ACYP2: variants seen among roughly 807,000 people sequenced by gnomAD.
ACYP2 encodes the protein acylphosphatase-2.
A neutral mutation model predicts 11.2 loss-of-function variants in ACYP2; 12 were observed. The observed-to-expected ratio is 1.08, with a 90% CI of 0.69 to 1.74. The LOEUF (loss-of-function observed/expected upper bound fraction) is 1.74, where lower values mean the gene tolerates loss of function less well. ACYP2 is among the 40% of genes most tolerant of loss of function. ACYP2 has a pLI of 0.00. For missense variants in ACYP2, 134 were observed against 101.9 expected (o/e 1.31, Z -1.35); for synonymous variants, 43 against 32.2 (o/e 1.33, Z -1.13).
At chr2:54,147,250 A>G (rs1396280353) in intron 6 of ACYP2, among the ~76,000 whole-genome samples, 3 of 151,552 alleles carry the variant, frequency 2.0e-5, no homozygotes, top group Non-Finnish European at 4.4e-5. Flanking sequence ...ATAAATCAAA[A>G]CAGCCAACAA....
At chr2:54,101,745 C>T (rs545583335) in intron 4 of ACYP2, among the ~76,000 whole-genome samples, 3 of 151,644 alleles carry the variant, frequency 2.0e-5, no homozygotes, top group Non-Finnish European at 2.9e-5. Context: ...TTTCTTTCCT[C>T]CCTTTCTCCT....
intron 2 of ACYP2, among the ~76,000 whole-genome samples, chr2:54,005,203 T>A (rs1273368832): frequency 1.3e-5 from 2 of 152,250 alleles, no homozygotes; most frequent in African/African-American, 2.4e-5. Context: ...GTATGTAATG[T>A]CTATATCTAG....
chr2:54,108,127 C>T (rs961087932), intron 4 of ACYP2, among the ~76,000 whole-genome samples: 5 of 152,230 alleles, frequency 3.3e-5, no homozygotes, highest in African/African-American at 1.2e-4. Context: ...CTAAACTCCT[C>T]CGCGACTGTG....
chr2:54,286,870 C>T (rs1421871422), intron 6 of ACYP2, among the ~76,000 whole-genome samples: 1 of 151,914 alleles, frequency 6.6e-6, no homozygotes, highest in Non-Finnish European at 1.5e-5. Flanking sequence ...GCTATAATAT[C>T]TAGAATTTTT....
chr2:54,153,179 C>G (rs945548358), intron 6 of ACYP2, among the ~76,000 whole-genome samples: 9 of 152,018 alleles, frequency 5.9e-5, no homozygotes, highest in Non-Finnish European at 1.0e-4. Flanking sequence ...AAATCTCACT[C>G]TTCTGCATGT....
chr2:54,054,719 G>A (rs1266441197), intron 3 of ACYP2, among the ~76,000 whole-genome samples: 1 of 152,192 alleles, frequency 6.6e-6, no homozygotes, highest in Non-Finnish European at 1.5e-5. Flanking sequence ...GCATTACCAA[G>A]GTGAGATGAT....
intron 6 of ACYP2, among the ~76,000 whole-genome samples, chr2:54,206,210 T>A (rs1685064972): frequency 6.6e-6 from 1 of 152,198 alleles, no homozygotes. Context: ...ACATTTGGAT[T>A]TTAAGTTTGG....
At chr2:54,301,622 T>C (rs960137043) in intron 6 of ACYP2, among the ~76,000 whole-genome samples, 2 of 152,154 alleles carry the variant, frequency 1.3e-5, no homozygotes, top group Non-Finnish European at 2.9e-5. Flanking sequence ...GCTCTGACAC[T>C]AAGGGTGAGT....
intron 2 of ACYP2, among the ~76,000 whole-genome samples, chr2:54,043,479 C>T (rs1347387374): frequency 6.6e-6 from 1 of 152,186 alleles, no homozygotes; most frequent in Non-Finnish European, 1.5e-5. Flanking sequence ...GCCTGACTTT[C>T]AAATGCCCTG....
intron 6 of ACYP2, among the ~76,000 whole-genome samples, chr2:54,154,082 G>C (rs1682325997): frequency 6.6e-6 from 1 of 151,512 alleles, no homozygotes; most frequent in Admixed American, 6.6e-5. Context: ...TTGTAAATGA[G>C]ACTGTTTTCT....
chr2:54,211,556 A>G (rs1207473358), intron 6 of ACYP2, among the ~76,000 whole-genome samples: 3 of 152,202 alleles, frequency 2.0e-5, no homozygotes, highest in Non-Finnish European at 4.4e-5. Flanking sequence ...TTTTATATCC[A>G]GTCCTGGCTA....
intron 4 of ACYP2, among the ~76,000 whole-genome samples, chr2:54,059,572 C>G (rs1379506869): frequency 6.6e-6 from 1 of 152,192 alleles, no homozygotes; most frequent in African/African-American, 2.4e-5. Flanking sequence ...CAGATGCTGA[C>G]TAATACTACA....
intron 6 of ACYP2, among the ~76,000 whole-genome samples, chr2:54,251,282 A>G (rs1314999930): frequency 1.3e-5 from 2 of 152,234 alleles, no homozygotes; most frequent in Non-Finnish European, 2.9e-5. Flanking sequence ...ATATCAATTC[A>G]TGGTTTACCC....
chr2:54,120,631 C>T (rs1680092499), intron 4 of ACYP2, among the ~76,000 whole-genome samples: 1 of 152,180 alleles, frequency 6.6e-6, no homozygotes, highest in Admixed American at 6.5e-5. Flanking sequence ...GGCACCTCTG[C>T]CCAGGCTTTG....
At chr2:54,300,042 C>T (rs1025852042) in intron 6 of ACYP2, among the ~76,000 whole-genome samples, 4 of 152,244 alleles carry the variant, frequency 2.6e-5, no homozygotes, top group African/African-American at 9.6e-5. Flanking sequence ...CTCCCTCACA[C>T]TGAGAAAATG....
chr2:54,102,559 G>T lies in ACYP2; in HGVS notation c.278-32894G>T, dbSNP rs562350643. Among the ~76,000 whole-genome samples the T allele has an allele frequency of 3.9e-4, 53 of 135,208 alleles. No homozygotes were observed. The South Asian group carries it at 0.012, about 31-fold the overall frequency. 88.7% of individuals were successfully genotyped at this position (135,208 alleles called of 152,430 possible). On this transcript the variant is annotated intron_variant, in intron 4 of 6. Coordinates refer to ENST00000607452, the MANE Select transcript of ACYP2 (RefSeq NM_001320586.2). ...AGGTCTAGAGGAACGAGACATCTTT[G>T]TTGTCTCTGATTTAATCCTACATTA...
At chr2:54,209,087 G>A in intron 6 of ACYP2, among the ~76,000 whole-genome samples, 1 of 149,380 alleles carries the variant, frequency 6.7e-6, no homozygotes, top group Non-Finnish European at 1.5e-5. Flanking sequence ...TGGCTTCTCA[G>A]TTAGTACCAC....
chr2:54,173,324 G>T (rs917305572), intron 6 of ACYP2, among the ~76,000 whole-genome samples: 13 of 152,140 alleles, frequency 8.5e-5, no homozygotes, highest in Admixed American at 8.5e-4. Context: ...TCATGTGTCT[G>T]TTGGCTGCAT....
intron 4 of ACYP2, among the ~76,000 whole-genome samples, chr2:54,103,354 G>A (rs1256171016): frequency 1.3e-5 from 2 of 152,126 alleles, no homozygotes; most frequent in Non-Finnish European, 2.9e-5. Flanking sequence ...GGGTTTTTAT[G>A]AGTTATCTGT....
Sources: gnomAD v4.1 joint callset for allele counts (sites outside exome capture counted in the v4.1 genomes callset) on GRCh38, gnomAD v4.1.1 for gene constraint, MANE v1.5 for transcripts, NCBI Gene and HGNC (gene_info 2026-07-23, HGNC 2026-07-21) for gene names.